XIRP2: variants seen among roughly 807,000 people sequenced by gnomAD.
The protein encoded by XIRP2 is xin actin binding repeat containing 2.
In XIRP2, 236 loss-of-function variants were observed where a neutral mutation model predicts 277.0. The observed-to-expected ratio is 0.85, with a 90% CI of 0.77 to 0.95. The LOEUF is 0.95. Ranked by LOEUF, XIRP2 falls within the 40% of genes least tolerant of loss-of-function variation. The probability of loss-of-function intolerance (pLI) is 0.00; values close to 1 mark genes in which losing one functional copy is unlikely to be tolerated. For missense variants in XIRP2, 4,640 were observed against 4,157.5 expected (o/e 1.12, Z -3.19); for synonymous variants, 1,490 against 1,416.5 (o/e 1.05, Z -1.17).
intron 3 of XIRP2, among the ~76,000 whole-genome samples, chr2:167,158,699 T>C (rs962505978): frequency 1.3e-5 from 2 of 152,208 alleles, no homozygotes; most frequent in African/African-American, 4.8e-5. Context: ...AATTTTAAGA[T>C]TGAGATGTTC....
At chr2:166,965,143 T>C (rs1428292500) in intron 2 of XIRP2, among the ~76,000 whole-genome samples, 1 of 151,914 alleles carries the variant, frequency 6.6e-6, no homozygotes, top group Non-Finnish European at 1.5e-5. Flanking sequence ...ATTAGTCATG[T>C]GGCCCAATAA....
chr2:167,028,242 A>T (rs1215301942), intron 2 of XIRP2, among the ~76,000 whole-genome samples: 1 of 152,062 alleles, frequency 6.6e-6, no homozygotes, highest in Non-Finnish European at 1.5e-5. Context: ...TAATCATATG[A>T]CTATTAACCA....
intron 3 of XIRP2, among the ~76,000 whole-genome samples, chr2:167,136,426 T>A (rs1691554061): frequency 6.6e-6 from 1 of 152,110 alleles, no homozygotes; most frequent in African/African-American, 2.4e-5. Context: ...AAGAATAAAC[T>A]AGGAGTAACT....
chr2:166,998,019 G>A (rs1027256835), intron 2 of XIRP2, among the ~76,000 whole-genome samples: 1 of 152,014 alleles, frequency 6.6e-6, no homozygotes, highest in Non-Finnish European at 1.5e-5. Flanking sequence ...AGTAGAGAGA[G>A]ATATTATGAA....
At chr2:167,255,771 T>G (rs552795892) in intron 10 of XIRP2, among the ~76,000 whole-genome samples, 1 of 151,964 alleles carries the variant, frequency 6.6e-6, no homozygotes, top group South Asian at 2.1e-4. Flanking sequence ...TGTTCTGATA[T>G]TAAAGCTTGG....
chr2:167,137,364 C>T (rs187719077), intron 3 of XIRP2, among the ~76,000 whole-genome samples: 27 of 152,218 alleles, frequency 1.8e-4, no homozygotes, highest in African/African-American at 6.3e-4. Flanking sequence ...ATATTTCTGG[C>T]CTGTGATTAA....
intron 2 of XIRP2, among the ~76,000 whole-genome samples, chr2:166,968,057 G>A (rs1224520411): frequency 6.6e-5 from 10 of 151,904 alleles, no homozygotes; most frequent in African/African-American, 7.2e-5. Flanking sequence ...ACAGTTGCAC[G>A]TGTTAGATGA....
chr2:166,977,391 G>A lies in XIRP2; in HGVS notation c.408+73501G>A, dbSNP rs138910995. Among the ~76,000 whole-genome samples the A allele has an allele frequency of 3.0e-3, 449 of 152,142 alleles. 5 individuals are homozygous for A. Among genetic ancestry groups the A allele is most frequent in the African/African-American group, 0.01 (419 of 41,518 alleles). On this transcript the variant is annotated intron_variant, in intron 2 of 10. Coordinates refer to ENST00000409195, the MANE Select transcript of XIRP2 (RefSeq NM_152381.6). ...ACTACTTGACATTATCTCATAGGGA[G>A]ACTGCTTATATTTTCCCCAACATTT...
chr2:166,896,781 C>G (rs1684254835), intron 1 of XIRP2, among the ~76,000 whole-genome samples: 1 of 152,120 alleles, frequency 6.6e-6, no homozygotes, highest in South Asian at 2.1e-4. Context: ...TATTCACTGA[C>G]TAACCCAGAG....
intron 2 of XIRP2, among the ~76,000 whole-genome samples, chr2:167,103,916 G>A (rs1213449966): frequency 6.6e-6 from 1 of 152,144 alleles, no homozygotes; most frequent in African/African-American, 2.4e-5. Flanking sequence ...ACCAGCACCA[G>A]TGATTTGTTT....
intron 2 of XIRP2, among the ~76,000 whole-genome samples, chr2:167,049,458 T>C (rs1480990567): frequency 6.6e-6 from 1 of 151,842 alleles, no homozygotes; most frequent in Non-Finnish European, 1.5e-5. Flanking sequence ...GGCTTTTGTT[T>C]ATCTGTTTGT....
chr2:167,202,304 G>A (rs1021895479), intron 3 of XIRP2, among the ~76,000 whole-genome samples: 7 of 151,974 alleles, frequency 4.6e-5, no homozygotes, highest in South Asian at 2.1e-4. Flanking sequence ...TTAGATTTTC[G>A]TATATGCCCA....
chr2:167,240,372 G>A (rs536694087), intron 6 of XIRP2, among the ~76,000 whole-genome samples: 50 of 152,154 alleles, frequency 3.3e-4, no homozygotes, highest in Admixed American at 2.0e-3. Flanking sequence ...CCGAGTTCGC[G>A]CCATTGCACT....
At chr2:166,901,382 T>C (rs1455513361) in intron 1 of XIRP2, among the ~76,000 whole-genome samples, 1 of 152,074 alleles carries the variant, frequency 6.6e-6, no homozygotes, top group Non-Finnish European at 1.5e-5. Flanking sequence ...TTCTAGGGGT[T>C]TTAGCTGTAT....
chr2:166,965,765 T>C (rs1686414937), intron 2 of XIRP2, among the ~76,000 whole-genome samples: 1 of 151,764 alleles, frequency 6.6e-6, no homozygotes, highest in East Asian at 2.0e-4. Context: ...TTATTATTTA[T>C]AGAGACAAAG....
At chr2:167,256,168 G>A (rs1310709456) in intron 10 of XIRP2, among the ~76,000 whole-genome samples, 1 of 151,448 alleles carries the variant, frequency 6.6e-6, no homozygotes, top group Non-Finnish European at 1.5e-5. Flanking sequence ...TATCAAGAAA[G>A]TTTGTTTTAA....
chr2:166,935,276 C>A (rs1476480817), intron 2 of XIRP2, among the ~76,000 whole-genome samples: 2 of 151,978 alleles, frequency 1.3e-5, no homozygotes. Context: ...TATAAAAATG[C>A]AATATTTAAA....
intron 3 of XIRP2, among the ~76,000 whole-genome samples, chr2:167,177,820 A>C (rs1020151413): frequency 6.6e-6 from 1 of 152,154 alleles, no homozygotes; most frequent in Non-Finnish European, 1.5e-5. Flanking sequence ...TCTCATATGT[A>C]TTAGAGGCAT....
At chr2:167,128,492 C>T (rs1691275544) in intron 2 of XIRP2, among the ~76,000 whole-genome samples, 1 of 152,148 alleles carries the variant, frequency 6.6e-6, no homozygotes, top group Non-Finnish European at 1.5e-5. Context: ...GACTTCATAT[C>T]TACACATTCC....
Sources: gnomAD v4.1 joint callset for allele counts (sites outside exome capture counted in the v4.1 genomes callset) on GRCh38, gnomAD v4.1.1 for gene constraint, MANE v1.5 for transcripts, NCBI Gene and HGNC (gene_info 2026-07-23, HGNC 2026-07-21) for gene names.